Variants in CRIM1 observed in about 807,000 individuals in gnomAD.
CRIM1 encodes cysteine rich transmembrane BMP regulator 1, also known as cysteine-rich motor neuron 1 protein.
Under a neutral mutation model 116.4 loss-of-function variants are expected in CRIM1, and 32 were observed. That is an observed-to-expected ratio of 0.27 (90% CI 0.21 to 0.37). The LOEUF (loss-of-function observed/expected upper bound fraction) is 0.37. Ranked by LOEUF, CRIM1 falls within the 10% of genes least tolerant of loss-of-function variation. CRIM1 has a pLI of 1.00. For missense variants in CRIM1, 1,331 were observed against 1,354.8 expected (o/e 0.98, Z 0.28); for synonymous variants, 590 against 509.2 (o/e 1.16, Z -2.13).
At chr2:36,417,047 C>T (rs912417552) in intron 2 of CRIM1, among the ~76,000 whole-genome samples, 1 of 152,158 alleles carries the variant, frequency 6.6e-6, no homozygotes, top group Non-Finnish European at 1.5e-5. Context: ...GACGTGGCAC[C>T]GTCCACCCAG....
At chr2:36,448,411 C>A (rs1676416478) in intron 4 of CRIM1, among the ~76,000 whole-genome samples, 1 of 152,216 alleles carries the variant, frequency 6.6e-6, no homozygotes, top group Admixed American at 6.5e-5. Context: ...TCTAAGACCA[C>A]AGTGTTTTCT....
chr2:36,544,082 C>A (rs550025762), intron 14 of CRIM1, among the ~76,000 whole-genome samples: 4 of 152,318 alleles, frequency 2.6e-5, no homozygotes, highest in African/African-American at 9.6e-5. Flanking sequence ...AGCTAGTCCC[C>A]TTCAGTTTCC....
Position 36,441,442 on chromosome 2 carries a change from A to G in CRIM1, c.690A>G (p.Leu230=). ...GCCAGCCGGGAAACCTGAACATACT[A>G]GTGTCAAAAGCCTCAGGGAAGCCGG... ...KVCQPGNLNI[L]VSKASGKPGE... Residue 230 remains leucine (L), a synonymous_variant, in exon 3 of 17, where the codon CTA becomes CTG. Coordinates refer to ENST00000280527, the MANE Select transcript of CRIM1 (RefSeq NM_016441.3). The G allele has an allele frequency of 6.2e-7, 1 of 1,613,934 alleles. No individual in the cohort carries two copies. The highest frequency in any genetic ancestry group is 1.1e-5 in the South Asian group (1 of 91,084).
chr2:36,450,893 T>G (rs901397948), intron 4 of CRIM1, among the ~76,000 whole-genome samples: 1 of 152,236 alleles, frequency 6.6e-6, no homozygotes, highest in Non-Finnish European at 1.5e-5. Flanking sequence ...AGCACACTGT[T>G]TCTTGTGAAT....
chr2:36,455,483 G>A (rs540045879), intron 4 of CRIM1, among the ~76,000 whole-genome samples: 4 of 152,320 alleles, frequency 2.6e-5, no homozygotes, highest in African/African-American at 9.6e-5. Flanking sequence ...AGGTCACATA[G>A]TTCCTAAGCG....
chr2:36,423,261 G>C (rs1368085647), intron 2 of CRIM1, among the ~76,000 whole-genome samples: 1 of 152,190 alleles, frequency 6.6e-6, no homozygotes, highest in Non-Finnish European at 1.5e-5. Flanking sequence ...GCTAGAGTCA[G>C]CTTGGACTCG....
intron 8 of CRIM1, among the ~76,000 whole-genome samples, chr2:36,503,920 G>A (rs1681193811): frequency 6.6e-6 from 1 of 151,886 alleles, no homozygotes; most frequent in South Asian, 2.1e-4. Context: ...ACCCAGATTG[G>A]AATTCAGTGG....
chr2:36,363,957 T>A (rs1467837422), intron 1 of CRIM1, among the ~76,000 whole-genome samples: 1 of 152,238 alleles, frequency 6.6e-6, no homozygotes, highest in African/African-American at 2.4e-5. Context: ...CTACCTGTTC[T>A]TCTGCCATTC....
At chr2:36,541,716 T>C (rs540739335) in intron 14 of CRIM1, among the ~76,000 whole-genome samples, 2 of 152,314 alleles carry the variant, frequency 1.3e-5, no homozygotes, top group Non-Finnish European at 2.9e-5. Context: ...ACAGGAGCGA[T>C]TGTGACCGTG....
intron 1 of CRIM1, among the ~76,000 whole-genome samples, chr2:36,387,206 C>G (rs140427558): frequency 2.0e-5 from 3 of 152,248 alleles, no homozygotes; most frequent in African/African-American, 7.2e-5. Context: ...ACACTGTGAA[C>G]CAGGTATGTA....
At chr2:36,544,999 T>C (rs1421535657) in intron 15 of CRIM1, among the ~76,000 whole-genome samples, 1 of 152,222 alleles carries the variant, frequency 6.6e-6, no homozygotes, top group African/African-American at 2.4e-5. Context: ...CATGCCTTTT[T>C]ATCTTGCTCT....
chr2:36,476,731 T>G (rs1679000544), intron 5 of CRIM1, among the ~76,000 whole-genome samples, 158 bp from the exon 6 acceptor site: 1 of 152,224 alleles, frequency 6.6e-6, no homozygotes, highest in African/African-American at 2.4e-5. Context: ...TTGCTTCACT[T>G]TATTGTTTTC....
intron 2 of CRIM1, among the ~76,000 whole-genome samples, chr2:36,417,069 T>C (rs1342684182): frequency 6.6e-6 from 1 of 152,122 alleles, no homozygotes; most frequent in Non-Finnish European, 1.5e-5. Context: ...ATCCCGCCAC[T>C]CCCATTGGAC....
At chr2:36,532,784 T>G (rs12712507) in intron 13 of CRIM1, among the ~76,000 whole-genome samples, 56,494 of 152,000 alleles carry the variant, frequency 0.37, 10,753 homozygotes, top group East Asian at 0.59. Context: ...CTCATTTTTC[T>G]GTAGAATTGA....
intron 8 of CRIM1, among the ~76,000 whole-genome samples, chr2:36,503,997 A>G (rs1217135726): frequency 6.6e-6 from 1 of 152,014 alleles, no homozygotes; most frequent in Non-Finnish European, 1.5e-5. Flanking sequence ...GAGCCTCCCA[A>G]GTAACTGGGA....
At chr2:36,518,894 A>T (rs1204161792) in intron 12 of CRIM1, among the ~76,000 whole-genome samples, 1 of 152,230 alleles carries the variant, frequency 6.6e-6, no homozygotes, top group Non-Finnish European at 1.5e-5. Context: ...TATTTGTAGA[A>T]TGCCTGAATT....
intron 7 of CRIM1, among the ~76,000 whole-genome samples, chr2:36,481,189 A>G (rs969270038): frequency 6.6e-6 from 1 of 152,252 alleles, no homozygotes; most frequent in African/African-American, 2.4e-5. Context: ...CTGGAAGTAA[A>G]TGAAAGGAAG....
chr2:36,489,915 T>G (rs769873414), intron 7 of CRIM1, among the ~76,000 whole-genome samples: 10 of 152,180 alleles, frequency 6.6e-5, no homozygotes, highest in Non-Finnish European at 1.3e-4. Flanking sequence ...ATAGTCAAAA[T>G]GTAGAACAAT....
chr2:36,484,630 T>A (rs149454300), intron 7 of CRIM1, among the ~76,000 whole-genome samples: 14 of 152,266 alleles, frequency 9.2e-5, no homozygotes, highest in African/African-American at 1.4e-4. Context: ...CTGATCTGCC[T>A]TCTCATCTTG....
Sources: allele counts gnomAD v4.1 joint callset (sites outside exome capture counted in the v4.1 genomes callset), GRCh38; gene constraint gnomAD v4.1.1; transcripts MANE v1.5; gene names NCBI Gene and HGNC (gene_info 2026-07-23, HGNC 2026-07-21).